The following DNAH3 variants were observed in gnomAD, a reference collection of about 807,000 sequenced individuals.
DNAH3 encodes dynein axonemal heavy chain 3.
In DNAH3, 332 loss-of-function variants were observed where a neutral mutation model predicts 432.5. The observed-to-expected ratio is 0.77, with a 90% CI of 0.70 to 0.84. DNAH3 has a LOEUF of 0.84. Among genes scored for constraint, DNAH3 ranks in the 40% least tolerant of loss-of-function variants. DNAH3 has a pLI of 0.00. For synonymous variants in DNAH3, 1,956 were observed against 1,900.2 expected (o/e 1.03, Z -0.76); for missense variants, 4,861 against 5,114.0 (o/e 0.95, Z 1.51).
chr16:21,106,599 G>A (rs1318273357), exon 15 of DNAH3: 8 of 1,610,928 alleles, frequency 5.0e-6, no homozygotes, highest in Middle Eastern at 1.7e-4. Context: ...GGAATTCAAT[G>A]AGGGATACCA....
At chr16:21,069,015 C>A (rs1257821974) in intron 23 of DNAH3, among the ~76,000 whole-genome samples, 3 of 152,024 alleles carry the variant, frequency 2.0e-5, no homozygotes, top group African/African-American at 7.2e-5. Context: ...ACCGCCGCCT[C>A]CTGAGTTCAA....
Position 20,997,281 on chromosome 16 carries a change from A to G in DNAH3, c.6601+2T>C. 6.2e-7 allele frequency: 1 copy of G among 1,613,432 alleles called. No homozygotes were observed. Among genetic ancestry groups the G allele is most frequent in the Non-Finnish European group, 8.5e-7 (1 of 1,179,690 alleles). On this transcript the variant is annotated splice_donor_variant, in intron 44 of 61. Coordinates refer to ENST00000261383, the Ensembl canonical transcript of DNAH3. LOFTEE classifies it high-confidence loss of function. ...GAGGAATGAGCTCTTCCCTTCACAT[A>G]CCAGTAATGTCATTCCTTCCTCCCC... is the stretch of plus-strand genomic sequence containing the variant.
rs750221093 is a variant in DNAH3 at position 21,125,271 on chromosome 16, T to C, written c.1308A>G (p.Glu436=). The change falls in exon 9 of 62, where the codon GAA becomes GAG. Residue 436 remains glutamate (E), a synonymous_variant. Transcript: ENST00000261383. ...TGAATGATGCCACAGAAGCAAAATATTCCTCAATGTTTCGACTTGAGTCAT... is the reference window on the plus strand; with the variant it reads ...TGAATGATGCCACAGAAGCAAAATACTCCTCAATGTTTCGACTTGAGTCAT... The C allele has an allele frequency of 7.4e-6, 12 of 1,613,700 alleles. No homozygotes were observed. In the Admixed American group the frequency reaches 1.7e-4, roughly 22 times the overall value.
intron 51 of DNAH3, among the ~76,000 whole-genome samples, chr16:20,974,589 T>G (rs2085495273): frequency 7.3e-6 from 1 of 137,330 alleles, no homozygotes; most frequent in South Asian, 2.6e-4. Context: ...GTTTTTTTTT[T>G]TTTTTTTTTT....
intron 8 of DNAH3, among the ~76,000 whole-genome samples, chr16:21,127,300 C>A (rs2092462705): frequency 6.6e-6 from 1 of 151,796 alleles, no homozygotes; most frequent in African/African-American, 2.4e-5. Flanking sequence ...TGCCTGTAAT[C>A]CCAGCACTTT....
Position 20,988,088 on chromosome 16 carries a change from G to T in DNAH3, c.6602-23C>A, listed in dbSNP as rs761066553. 1.9e-6 allele frequency: 3 copies of T among 1,612,728 alleles called. No homozygotes were observed. In the South Asian group the frequency reaches 3.3e-5, roughly 18 times the overall value. ...GTCCTGGGGAATACAACACACAAGT[G>T]AATCATCCTGGAAAACACATATTCT... is the stretch of plus-strand genomic sequence containing the variant. On this transcript the variant is annotated intron_variant, in intron 44 of 61. Coordinates refer to ENST00000261383, the Ensembl canonical transcript of DNAH3.
exon 41 of DNAH3, chr16:21,019,729 T>G: frequency 6.2e-7 from 1 of 1,614,176 alleles, no homozygotes; most frequent in Non-Finnish European, 8.5e-7. Flanking sequence ...TCAAATTTCT[T>G]TCTGCTGTCT....
chr16:20,966,580 T>C (rs939848567), intron 52 of DNAH3, among the ~76,000 whole-genome samples: 46 of 152,314 alleles, frequency 3.0e-4, no homozygotes, highest in African/African-American at 1.1e-3. Context: ...TACCTTTCCC[T>C]CAAAGCGGTA....
intron 1 of DNAH3, among the ~76,000 whole-genome samples, chr16:21,152,974 G>A (rs979451359): frequency 6.6e-6 from 1 of 152,218 alleles, no homozygotes; most frequent in African/African-American, 2.4e-5. Context: ...CAAGGGCTGA[G>A]GAGTGCGGGC....
intron 12 of DNAH3, among the ~76,000 whole-genome samples, chr16:21,116,633 C>T (rs1020283443): frequency 1.3e-5 from 2 of 152,132 alleles, no homozygotes; most frequent in African/African-American, 2.4e-5. Flanking sequence ...TGACTGCTCA[C>T]GTGTGCAGCT....
chr16:20,970,392 T>C (rs751006854), intron 51 of DNAH3, among the ~76,000 whole-genome samples: 5 of 152,098 alleles, frequency 3.3e-5, no homozygotes, highest in African/African-American at 4.8e-5. Context: ...GGCGTGGTGG[T>C]GGGCGCTTGT....
chr16:21,047,511 T>G (rs1293195962), intron 31 of DNAH3, among the ~76,000 whole-genome samples: 1 of 152,120 alleles, frequency 6.6e-6, no homozygotes, highest in East Asian at 1.9e-4. Context: ...TCTCTAGCCT[T>G]GGTTTTCAGC....
chr16:20,966,596 C>A (rs1203568370), intron 52 of DNAH3, among the ~76,000 whole-genome samples: 1 of 152,194 alleles, frequency 6.6e-6, no homozygotes, highest in Admixed American at 6.5e-5. Context: ...CGGTAAACTT[C>A]TTCTGTTTTC....
chr16:20,936,956 C>T, intron 59 of DNAH3, 103 bp from the exon 60 acceptor site: 1 of 890,638 alleles, frequency 1.1e-6, no homozygotes, highest in Non-Finnish European at 1.7e-6. Context: ...AATTAATGCA[C>T]AGTCATTAAA....
intron 25 of DNAH3, 50 bp downstream of exon 25, chr16:21,062,432 G>A: frequency 7.2e-6 from 11 of 1,520,898 alleles, no homozygotes; most frequent in Non-Finnish European, 1.0e-5. Flanking sequence ...TACGCTCTCT[G>A]ATTTACTCTG....
chr16:21,142,677 A>T (rs921196260), intron 3 of DNAH3, among the ~76,000 whole-genome samples: 38 of 147,090 alleles, frequency 2.6e-4, no homozygotes, highest in Non-Finnish European at 4.6e-4. Flanking sequence ...TTTTTGAGAC[A>T]GGGTCTCACT....
chr16:21,055,380 A>C lies in DNAH3; in HGVS notation c.3925-846T>G, dbSNP rs980353720. ...CTGTCATTTCTTTTTCAAGATGACA[A>C]AATTTAAATTAGCCAATTTAGAAAG... is the stretch of plus-strand genomic sequence containing the variant. On this transcript the variant is annotated intron_variant, in intron 27 of 61. Transcript: ENST00000261383. 1.8e-4 allele frequency among the ~76,000 whole-genome samples: 27 copies of C among 152,174 alleles called. 1 individual carries two copies. Among genetic ancestry groups the C allele is most frequent in the Admixed American group, 1.8e-3 (27 of 15,274 alleles).
intron 24 of DNAH3, among the ~76,000 whole-genome samples, chr16:21,066,889 T>A (rs970704669): frequency 6.6e-6 from 1 of 152,220 alleles, no homozygotes; most frequent in Non-Finnish European, 1.5e-5. Flanking sequence ...GGGGCCATTA[T>A]TATATCCCAA....
At chr16:20,940,963 G>A (rs2152567583) in intron 59 of DNAH3, among the ~76,000 whole-genome samples, 1 of 152,228 alleles carries the variant, frequency 6.6e-6, no homozygotes, top group Non-Finnish European at 1.5e-5. Flanking sequence ...TAGCCAGCAT[G>A]GTGGCCTGTG....
Sources: allele counts gnomAD v4.1 joint callset (sites outside exome capture counted in the v4.1 genomes callset), GRCh38; gene constraint gnomAD v4.1.1; transcripts MANE v1.5; gene names NCBI Gene and HGNC (gene_info 2026-07-23, HGNC 2026-07-21).